Variants in NME7 observed in about 807,000 individuals in gnomAD.
The protein encoded by NME7 is NME/NM23 family member 7.
Under a neutral mutation model 49.1 loss-of-function variants are expected in NME7, and 41 were observed. The observed-to-expected ratio is 0.83, with a 90% CI of 0.65 to 1.08. The LOEUF is 1.08. Among genes scored for constraint, NME7 ranks in the 50% least tolerant of loss-of-function variants. The pLI, the probability that NME7 is intolerant of heterozygous loss-of-function variation, is 0.00. For synonymous variants in NME7, 139 were observed against 150.6 expected (o/e 0.92, Z 0.56); for missense variants, 423 against 463.4 (o/e 0.91, Z 0.80).
intron 7 of NME7, among the ~76,000 whole-genome samples, chr1:169,261,549 T>C (rs1187322917): frequency 7.5e-6 from 1 of 133,920 alleles, no homozygotes; most frequent in Non-Finnish European, 1.8e-5. Context: ...TAAGAACAGC[T>C]GAAAATCAAA....
At chr1:169,191,104 G>T (rs1353234487) in intron 10 of NME7, among the ~76,000 whole-genome samples, 1 of 151,544 alleles carries the variant, frequency 6.6e-6, no homozygotes, top group African/African-American at 2.4e-5. Context: ...GAGCCACCGC[G>T]CCCGGCCGCA....
chr1:169,227,482 G>A lies in NME7; in HGVS notation c.990+3236C>T, dbSNP rs1022326682. Reference sequence around the variant, plus strand: ...ATAAATGTATTTCTGCTGGGTGAGAGCATTTGAAAATATTTTTTAAAAGTT... The same window carrying A: ...ATAAATGTATTTCTGCTGGGTGAGAACATTTGAAAATATTTTTTAAAAGTT... On this transcript the variant is annotated intron_variant, in intron 10 of 11. Coordinates refer to ENST00000367811, the MANE Select transcript of NME7 (RefSeq NM_013330.5). Among the ~76,000 whole-genome samples the A allele has an allele frequency of 2.6e-5, 4 of 152,246 alleles. No homozygotes were observed. The South Asian group carries it at 8.3e-4, about 32-fold the overall frequency.
chr1:169,283,541 C>T (rs1650126376), intron 7 of NME7, among the ~76,000 whole-genome samples: 3 of 152,072 alleles, frequency 2.0e-5, no homozygotes, highest in African/African-American at 4.8e-5. Context: ...TTCATAGTGT[C>T]GATGTTCTTT....
intron 1 of NME7, among the ~76,000 whole-genome samples, 153 bp downstream of exon 1, chr1:169,367,555 A>G (rs1653922703): frequency 6.6e-6 from 1 of 152,212 alleles, no homozygotes; most frequent in Non-Finnish European, 1.5e-5. Flanking sequence ...GAGAGCGAGG[A>G]GACTGCAGGA....
intron 10 of NME7, among the ~76,000 whole-genome samples, chr1:169,219,970 C>T (rs556877055): frequency 6.6e-6 from 1 of 152,286 alleles, no homozygotes; most frequent in African/African-American, 2.4e-5. Context: ...AGGAGACCTT[C>T]CAAGACAGCT....
chr1:169,343,323 A>G (rs1394051779), intron 1 of NME7, among the ~76,000 whole-genome samples: 2 of 152,126 alleles, frequency 1.3e-5, no homozygotes, highest in South Asian at 2.1e-4. Context: ...CTCTTTCTAC[A>G]TGTAGATATA....
At chr1:169,272,286 ATTC>A (rs1649517190) in intron 7 of NME7, among the ~76,000 whole-genome samples, 2 of 132,772 alleles carry the variant, frequency 1.5e-5, no homozygotes, top group South Asian at 4.6e-4. Context: ...TGCAATTTTT[ATTC>A]TTCAACTTTT....
intron 10 of NME7, among the ~76,000 whole-genome samples, chr1:169,219,831 C>T (rs1283699587): frequency 1.3e-5 from 2 of 152,032 alleles, no homozygotes; most frequent in Admixed American, 1.3e-4. Context: ...TTAATAAATG[C>T]CTGAATTTAT....
intron 7 of NME7, among the ~76,000 whole-genome samples, chr1:169,253,192 G>A (rs1403180557): frequency 1.3e-5 from 2 of 149,738 alleles, no homozygotes. Context: ...TCCTACCCAT[G>A]AGCATGGAAT....
chr1:169,165,302 T>A (rs201628248), intron 11 of NME7, among the ~76,000 whole-genome samples: 1 of 62,300 alleles, frequency 1.6e-5, no homozygotes, highest in African/African-American at 4.9e-5. Context: ...GCTATAAAAA[T>A]AAATAAATAA....
At chr1:169,237,401 T>G (rs925172438) in intron 8 of NME7, among the ~76,000 whole-genome samples, 1 of 152,046 alleles carries the variant, frequency 6.6e-6, no homozygotes, top group African/African-American at 2.4e-5. Flanking sequence ...AAGCTTAAAT[T>G]AGGTGTATCA....
At chr1:169,213,909 C>T (rs907307176) in intron 10 of NME7, among the ~76,000 whole-genome samples, 4 of 151,990 alleles carry the variant, frequency 2.6e-5, no homozygotes, top group African/African-American at 9.7e-5. Flanking sequence ...TTAATAGGTG[C>T]TCCAGATTAC....
At chr1:169,219,287 G>T (rs1369046998) in intron 10 of NME7, among the ~76,000 whole-genome samples, 2 of 152,076 alleles carry the variant, frequency 1.3e-5, no homozygotes, top group African/African-American at 4.8e-5. Context: ...TAAAAAAATT[G>T]TACAAAGTTG....
At chr1:169,166,081 C>A (rs1481210952) in intron 11 of NME7, among the ~76,000 whole-genome samples, 2 of 152,150 alleles carry the variant, frequency 1.3e-5, no homozygotes, top group Admixed American at 1.3e-4. Flanking sequence ...TGAACAAAAT[C>A]ATAGGCATAC....
chr1:169,230,321 C>T (rs145809580), intron 10 of NME7, among the ~76,000 whole-genome samples: 215 of 152,046 alleles, frequency 1.4e-3, no homozygotes, highest in African/African-American at 4.9e-3. Flanking sequence ...GTCTTATTGC[C>T]CATATTTATT....
At chr1:169,216,866 G>A (rs961985935) in intron 10 of NME7, among the ~76,000 whole-genome samples, 1 of 152,186 alleles carries the variant, frequency 6.6e-6, no homozygotes, top group Non-Finnish European at 1.5e-5. Flanking sequence ...AGTCACAGAG[G>A]TCTTTTCTGT....
chr1:169,224,209 C>T (rs1310678491), intron 10 of NME7, among the ~76,000 whole-genome samples: 1 of 152,194 alleles, frequency 6.6e-6, no homozygotes, highest in African/African-American at 2.4e-5. Context: ...CCATCTGGCA[C>T]TGGGCTGCCT....
At chr1:169,307,333 T>C (rs1399850897) in intron 4 of NME7, among the ~76,000 whole-genome samples, 1 of 152,192 alleles carries the variant, frequency 6.6e-6, no homozygotes, top group African/African-American at 2.4e-5. Context: ...GAAACTTGAT[T>C]TCCAGAGGGG....
chr1:169,155,977 G>T (rs1659056290), intron 11 of NME7, among the ~76,000 whole-genome samples: 1 of 151,880 alleles, frequency 6.6e-6, no homozygotes, highest in Non-Finnish European at 1.5e-5. Flanking sequence ...TCTATCTCAG[G>T]TCTACTGAAC....
Sources: gnomAD v4.1 joint callset for allele counts (sites outside exome capture counted in the v4.1 genomes callset) on GRCh38, gnomAD v4.1.1 for gene constraint, MANE v1.5 for transcripts, NCBI Gene and HGNC (gene_info 2026-07-23, HGNC 2026-07-21) for gene names.